The following CDKL4 variants were observed in gnomAD, a reference collection of about 807,000 sequenced individuals.
The protein encoded by CDKL4 is cyclin dependent kinase like 4, also known as cyclin-dependent kinase-like 4.
Under a neutral mutation model 42.0 loss-of-function variants are expected in CDKL4, and 44 were observed. The observed-to-expected ratio is 1.05, with a 90% CI of 0.82 to 1.35. CDKL4 has a LOEUF of 1.35. Among genes scored for constraint, CDKL4 ranks in the 40% most tolerant of loss-of-function variants. The pLI is 0.00. For synonymous variants in CDKL4, 120 were observed against 121.6 expected, an observed-to-expected ratio of 0.99 and a Z score of 0.09; for missense variants, 393 against 369.9, an observed-to-expected ratio of 1.06 and a Z score of -0.51.
At chr2:39,231,763 G>T (rs1321347808) in intron 1 of CDKL4, among the ~76,000 whole-genome samples, 1 of 152,144 alleles carries the variant, frequency 6.6e-6, no homozygotes, top group Non-Finnish European at 1.5e-5. Context: ...GAAAGTTATT[G>T]GCATCTGGCT....
At chr2:39,208,589 A>G (rs187692580) in intron 4 of CDKL4, among the ~76,000 whole-genome samples, 2 of 152,060 alleles carry the variant, frequency 1.3e-5, no homozygotes, top group Non-Finnish European at 2.9e-5. Context: ...GTGATCCACC[A>G]GCCTCGGCCT....
At chr2:39,221,850 T>C (rs1328628930) in intron 3 of CDKL4, among the ~76,000 whole-genome samples, 1 of 152,212 alleles carries the variant, frequency 6.6e-6, no homozygotes, top group Non-Finnish European at 1.5e-5. Context: ...CTCTGCAGAA[T>C]CTCCCTCACT....
upstream of CDKL4, among the ~76,000 whole-genome samples, chr2:39,245,345 C>T (rs1011240950): frequency 6.6e-6 from 1 of 152,146 alleles, no homozygotes; most frequent in African/African-American, 2.4e-5. Context: ...TGCAGCTTCA[C>T]TCCTGAGCCA....
At chr2:39,195,341 T>C (rs1676442253) in intron 5 of CDKL4, among the ~76,000 whole-genome samples, 2 of 152,218 alleles carry the variant, frequency 1.3e-5, no homozygotes, top group South Asian at 4.1e-4. Context: ...TGCTGCATCA[T>C]ACAGTGATTC....
chr2:39,207,199 C>A (rs1056875420), intron 4 of CDKL4, among the ~76,000 whole-genome samples: 2 of 151,858 alleles, frequency 1.3e-5, no homozygotes, highest in Non-Finnish European at 2.9e-5. Context: ...CAGCCTGGGC[C>A]CAATGGTGAA....
chr2:39,168,818 G>A, the CDKL4 span, among the ~76,000 whole-genome samples: 4 of 148,790 alleles, frequency 2.7e-5, no homozygotes, highest in African/African-American at 9.9e-5. Flanking sequence ...GTGCAGTGGC[G>A]CAATCTCAGC....
At chr2:39,213,413 C>T (rs975331146) in exon 4 of CDKL4, 2 of 1,596,924 alleles carry the variant, frequency 1.3e-6, no homozygotes, top group Admixed American at 1.7e-5. Flanking sequence ...ATGTATATGA[C>T]AGAAATTAAG....
In CDKL4 at chr2:39,190,401, C is replaced by T. The variant is rs761393671; in HGVS notation, c.556G>A (p.Ala186Thr). 1.9e-6 allele frequency: 3 copies of T among 1,613,856 alleles called. No individual in the cohort carries two copies. The highest frequency in any genetic ancestry group is 2.7e-5 in the African/African-American group (2 of 74,862). Residue 186 changes from alanine (A) to threonine (T), a missense_variant, in exon 6 of 10, where the codon GCT (alanine) becomes ACT (threonine). Physicochemically the swap from Ala to Thr is moderately conservative, Grantham distance 58. Coordinates refer to ENST00000451199, the Ensembl canonical transcript of CDKL4. The stretch of plus-strand genomic sequence containing the variant: ...AGCTCTGCAAAAACACAACCAATAG[C>T]CCATATATCGACTGAAGAACCATAC...
At chr2:39,211,886 G>A (rs951774973) in intron 4 of CDKL4, among the ~76,000 whole-genome samples, 5 of 152,092 alleles carry the variant, frequency 3.3e-5, no homozygotes, top group Admixed American at 2.0e-4. Flanking sequence ...GATATGAAGT[G>A]TACAGCACCA....
intron 1 of CDKL4, among the ~76,000 whole-genome samples, chr2:39,230,296 A>G (rs992029143): frequency 6.6e-6 from 1 of 152,214 alleles, no homozygotes; most frequent in African/African-American, 2.4e-5. Flanking sequence ...CCCAGCTGAG[A>G]TTGTGCCATT....
chr2:39,209,709 A>G (rs1460455093), intron 4 of CDKL4, among the ~76,000 whole-genome samples: 1 of 152,282 alleles, frequency 6.6e-6, no homozygotes, highest in African/African-American at 2.4e-5. Context: ...TCTGGAGATG[A>G]TAAGGTGCAC....
At chr2:39,184,420 G>A (rs746765076) in intron 8 of CDKL4, among the ~76,000 whole-genome samples, 171 bp downstream of exon 8, 110 of 152,080 alleles carry the variant, frequency 7.2e-4, no homozygotes, top group Non-Finnish European at 1.3e-3. Context: ...AACAATTACT[G>A]CTTAAACCAA....
In CDKL4 at chr2:39,229,446, TA is replaced by T; in HGVS notation, c.86del (p.Val29GlufsTer2). On this transcript the variant is annotated frameshift_variant, in exon 2 of 10. Transcript: ENST00000451199. LOFTEE classifies it high-confidence loss of function. The stretch of plus-strand genomic sequence containing the variant: ...ATTCCACAAATTTTTTAACAGCTAC[TA>T]CTTGTCCAGAGGTTTTGTTTCTGCA... 1.2e-6 allele frequency: 2 copies of T among 1,613,608 alleles called. No homozygotes were observed. Among genetic ancestry groups the T allele is most frequent in the Non-Finnish European group, 1.7e-6 (2 of 1,179,736 alleles).
intron 7 of CDKL4, among the ~76,000 whole-genome samples, chr2:39,185,079 T>C (rs1675644366): frequency 6.8e-6 from 1 of 147,562 alleles, no homozygotes; most frequent in Non-Finnish European, 1.5e-5. Context: ...AAAGAAAGAC[T>C]CTCTAGTAGG....
At chr2:39,213,532 G>C in intron 3 of CDKL4, 60 bp from the exon 4 acceptor site, 1 of 1,161,402 alleles carries the variant, frequency 8.6e-7, no homozygotes, top group Non-Finnish European at 1.3e-6. Flanking sequence ...AGAAGCAAGG[G>C]CTGGGAATAG....
At chr2:39,170,906 CT>C (rs1674982462), downstream of CDKL4, among the ~76,000 whole-genome samples, 2 of 152,108 alleles carry the variant, frequency 1.3e-5, no homozygotes, top group Non-Finnish European at 2.9e-5. Flanking sequence ...AAAGTGCTAA[CT>C]TTTTGGAAAA....
downstream of CDKL4, among the ~76,000 whole-genome samples, chr2:39,170,698 G>A (rs992359709): frequency 6.6e-6 from 1 of 151,812 alleles, no homozygotes; most frequent in Non-Finnish European, 1.5e-5. Context: ...CTCATGATCT[G>A]CCCACCTCAG....
At chr2:39,207,963 G>T (rs549110417) in intron 4 of CDKL4, among the ~76,000 whole-genome samples, 1 of 152,012 alleles carries the variant, frequency 6.6e-6, no homozygotes, top group Admixed American at 6.6e-5. Context: ...TTAGCCAGGC[G>T]TGGTTGTGGG....
exon 10 of CDKL4, chr2:39,175,874 A>T (rs899573611): frequency 2.7e-6 from 1 of 371,598 alleles, no homozygotes; most frequent in Non-Finnish European, 5.3e-6. Flanking sequence ...AGAGCAAAAC[A>T]ATTCTAGAAG....
Sources: gnomAD v4.1 joint callset for allele counts (sites outside exome capture counted in the v4.1 genomes callset) on GRCh38, gnomAD v4.1.1 for gene constraint, MANE v1.5 for transcripts, NCBI Gene and HGNC (gene_info 2026-07-23, HGNC 2026-07-21) for gene names.